The following FGGY variants were observed in gnomAD, a reference collection of about 807,000 sequenced individuals.
FGGY encodes the protein FGGY carbohydrate kinase domain containing.
FGGY carries 72 observed loss-of-function variants against 71.3 expected under a neutral mutation model. That is an observed-to-expected ratio of 1.01 (90% CI 0.84 to 1.23). The LOEUF is 1.23. FGGY is among the 50% of genes most tolerant of loss of function. The pLI, the probability that FGGY is intolerant of heterozygous loss-of-function variation, is 0.00. For synonymous variants in FGGY, 251 were observed against 250.3 expected, an observed-to-expected ratio of 1.00 and a Z score of -0.02; for missense variants, 668 against 682.3, an observed-to-expected ratio of 0.98 and a Z score of 0.23.
At chr1:59,541,919 G>A (rs2095445432) in intron 7 of FGGY, among the ~76,000 whole-genome samples, 2 of 152,012 alleles carry the variant, frequency 1.3e-5, no homozygotes, top group African/African-American at 4.8e-5. Context: ...CTCCAAAATG[G>A]GCATCATCAT....
chr1:59,428,011 T>C (rs868372817), intron 5 of FGGY, among the ~76,000 whole-genome samples: 2 of 152,196 alleles, frequency 1.3e-5, no homozygotes, highest in South Asian at 2.1e-4. Flanking sequence ...GTATGGGGGA[T>C]GGCTGGGAAG....
chr1:59,618,916 T>A (rs116767066), intron 9 of FGGY, among the ~76,000 whole-genome samples: 3,787 of 152,166 alleles, frequency 0.025, 160 homozygotes, highest in African/African-American at 0.086. Flanking sequence ...AATTACTTCA[T>A]GGATACAAGG....
chr1:59,535,436 C>T (rs1213952166), intron 7 of FGGY, among the ~76,000 whole-genome samples: 2 of 152,042 alleles, frequency 1.3e-5, no homozygotes, highest in African/African-American at 4.8e-5. Context: ...GAGAGAAAGT[C>T]AACAAGGATA....
Position 59,423,011 on chromosome 1 carries a change from A to G in FGGY, c.555-33950A>G, listed in dbSNP as rs1265695551. On this transcript the variant is annotated intron_variant, in intron 5 of 15. Coordinates refer to ENST00000303721, the MANE Select transcript of FGGY (RefSeq NM_018291.5). ...GTGGCAGCAGGGGTGTTTGGATACT[A>G]TTGTGCCAGGCAGCCTTTCCGAACA... Among the ~76,000 whole-genome samples the G allele has an allele frequency of 2.6e-5, 4 of 152,272 alleles. No individual in the cohort carries two copies. The South Asian group carries it at 8.3e-4, about 32-fold the overall frequency.
chr1:59,729,601 CTT>C (rs2097998199), intron 14 of FGGY, among the ~76,000 whole-genome samples: 1 of 152,188 alleles, frequency 6.6e-6, no homozygotes, highest in Admixed American at 6.5e-5. Flanking sequence ...CCACTATTGT[CTT>C]TGGCGTCCCT....
At chr1:59,534,019 G>A (rs941956136) in intron 7 of FGGY, among the ~76,000 whole-genome samples, 1 of 152,182 alleles carries the variant, frequency 6.6e-6, no homozygotes, top group South Asian at 2.1e-4. Context: ...GGCTTCAGAC[G>A]ATCAAATTAC....
At chr1:59,302,841 C>CA (rs60758062) in intron 1 of FGGY, among the ~76,000 whole-genome samples, 29,123 of 151,452 alleles carry the variant, frequency 0.19, 3,361 homozygotes, top group East Asian at 0.4. Context: ...TTCACAATTC[C>CA]AAAAAAAACC....
rs113979915 is a variant in FGGY at position 59,631,601 on chromosome 1, A to G, written c.1073+5552A>G. The stretch of plus-strand genomic sequence containing the variant: ...GAATCAAGAACCATGTGTCTCTTTT[A>G]CTATGACTTGGGGCTTTCTGAAAAC... On this transcript the variant is annotated intron_variant, in intron 10 of 15. Coordinates refer to ENST00000303721, the MANE Select transcript of FGGY (RefSeq NM_018291.5). Among the ~76,000 whole-genome samples, 1,155 of 152,306 alleles carry G rather than the reference A, an allele frequency of 7.6e-3. 18 individuals are homozygous for G. The highest frequency in any genetic ancestry group is 0.027 in the African/African-American group (1,102 of 41,570).
At chr1:59,716,321 G>C (rs535582861) in intron 14 of FGGY, among the ~76,000 whole-genome samples, 1 of 152,186 alleles carries the variant, frequency 6.6e-6, no homozygotes, top group African/African-American at 2.4e-5. Flanking sequence ...ATCAATTCCA[G>C]TTACCTTTTG....
At chr1:59,381,352 G>T (rs1434983736) in intron 5 of FGGY, among the ~76,000 whole-genome samples, 1 of 152,046 alleles carries the variant, frequency 6.6e-6, no homozygotes, top group African/African-American at 2.4e-5. Flanking sequence ...AGCTTGATGG[G>T]GATGGCATTG....
At chr1:59,481,520 G>A (rs747039276) in intron 6 of FGGY, among the ~76,000 whole-genome samples, 4 of 152,090 alleles carry the variant, frequency 2.6e-5, no homozygotes, top group African/African-American at 9.7e-5. Flanking sequence ...TGGGAATCAA[G>A]AGGGGAGTAA....
At position 59,400,369 on chromosome 1, in the gene FGGY, C is replaced by T. The variant is rs145491442; in HGVS notation, c.554+21532C>T. On this transcript the variant is annotated intron_variant, in intron 5 of 15. Transcript: ENST00000303721. ...ACCAGTGATTGCTTATTGTGACTTACGTCATAAATATGTATTCTAGACATG... is the reference window on the plus strand; with the variant it reads ...ACCAGTGATTGCTTATTGTGACTTATGTCATAAATATGTATTCTAGACATG... Among the ~76,000 whole-genome samples, 1,161 of 152,256 alleles carry T rather than the reference C, an allele frequency of 7.6e-3. 25 individuals carry two copies. The highest frequency in any genetic ancestry group is 0.026 in the African/African-American group (1,094 of 41,552).
chr1:59,346,494 A>G (rs1441958784), intron 4 of FGGY, 96 bp downstream of exon 4: 2 of 1,413,062 alleles, frequency 1.4e-6, no homozygotes, highest in Admixed American at 2.3e-5. Context: ...AAAATCGGTT[A>G]TGTTTGATTT....
chr1:59,728,137 G>C (rs2097972033), intron 14 of FGGY, among the ~76,000 whole-genome samples: 1 of 151,704 alleles, frequency 6.6e-6, no homozygotes. Context: ...CCTTTCACTG[G>C]TATTCATCAG....
intron 6 of FGGY, chr1:59,474,328 C>T (rs2093152575): frequency 1.3e-5 from 2 of 152,152 alleles, no homozygotes; most frequent in African/African-American, 4.8e-5. Context: ...GGAGAATCAG[C>T]GATTGTCAGA....
At chr1:59,634,664 G>GA (rs200358838) in intron 10 of FGGY, among the ~76,000 whole-genome samples, 35 of 148,100 alleles carry the variant, frequency 2.4e-4, no homozygotes, top group East Asian at 1.2e-3. Context: ...CAATAGGTCC[G>GA]AAAAAAAAAA....
At chr1:59,552,763 T>C (rs2095628796) in intron 7 of FGGY, among the ~76,000 whole-genome samples, 1 of 152,198 alleles carries the variant, frequency 6.6e-6, no homozygotes, top group African/African-American at 2.4e-5. Context: ...GGCTTCCATC[T>C]CCTTCCCACC....
intron 6 of FGGY, among the ~76,000 whole-genome samples, chr1:59,482,688 CTTGA>C (rs1324637605): frequency 1.3e-5 from 2 of 150,920 alleles, no homozygotes; most frequent in Non-Finnish European, 2.9e-5. Flanking sequence ...TATAGTATCA[CTTGA>C]TTATTATAAT....
intron 5 of FGGY, among the ~76,000 whole-genome samples, chr1:59,396,542 A>G (rs2061347185): frequency 6.6e-6 from 1 of 152,142 alleles, no homozygotes; most frequent in Non-Finnish European, 1.5e-5. Flanking sequence ...AGAAAGGGGA[A>G]GTAGCAGAAT....
Sources: gnomAD v4.1 joint callset for allele counts (sites outside exome capture counted in the v4.1 genomes callset) on GRCh38, gnomAD v4.1.1 for gene constraint, MANE v1.5 for transcripts, NCBI Gene and HGNC (gene_info 2026-07-23, HGNC 2026-07-21) for gene names.